LRP12: variants seen among roughly 807,000 people sequenced by gnomAD.
LRP12 encodes LDL receptor related protein 12, also known as low-density lipoprotein receptor-related protein 12.
Under a neutral mutation model 66.0 loss-of-function variants are expected in LRP12, and 14 were observed. That is an observed-to-expected ratio of 0.21 (90% CI 0.14 to 0.33). The LOEUF (loss-of-function observed/expected upper bound fraction) is 0.33. LRP12 is among the 10% of genes least tolerant of loss of function. The probability of loss-of-function intolerance (pLI) is 1.00; values close to 1 mark genes in which losing one functional copy is unlikely to be tolerated. For synonymous variants in LRP12, 357 were observed against 359.1 expected (o/e 0.99, Z 0.07); for missense variants, 889 against 1,053.4 (o/e 0.84, Z 2.16).
intron 1 of LRP12, among the ~76,000 whole-genome samples, chr8:104,565,438 G>A (rs1226861647): frequency 6.6e-6 from 1 of 151,932 alleles, no homozygotes; most frequent in Admixed American, 6.6e-5. Flanking sequence ...AGTTACAAAA[G>A]GATAAAATAA....
intron 1 of LRP12, among the ~76,000 whole-genome samples, chr8:104,548,627 T>TA (rs1163207344): frequency 0.014 from 1,577 of 109,276 alleles, 43 homozygotes; most frequent in Middle Eastern, 0.022. Context: ...AATTATATAA[T>TA]TATTATATAA....
chr8:104,579,210 G>T (rs1333695177), intron 1 of LRP12, among the ~76,000 whole-genome samples: 1 of 152,156 alleles, frequency 6.6e-6, no homozygotes, highest in East Asian at 1.9e-4. Context: ...AGCTTCTTAA[G>T]CTGGTAACTA....
At position 104,558,756 on chromosome 8, in the gene LRP12, G is replaced by GA. The variant is rs373812757; in HGVS notation, c.80-26794dup. Among the ~76,000 whole-genome samples, 1,309 of 137,694 alleles carry GA rather than the reference G, an allele frequency of 9.5e-3. 6 individuals are homozygous for GA. The highest frequency in any genetic ancestry group is 0.013 in the Non-Finnish European group (799 of 62,338). 90.3% of individuals were successfully genotyped at this position (137,694 alleles called of 152,430 possible). A position where few individuals can be genotyped will look rare whatever the true frequency, so the allele number is the denominator to read the frequency against. ...ATCTACAAGGAACTCAGAGCAGTAA[G>GA]AAAAAAAAAAACAAATAATCCTATT... On this transcript the variant is annotated intron_variant, in intron 1 of 6. Coordinates refer to ENST00000276654, the MANE Select transcript of LRP12 (RefSeq NM_013437.5).
At chr8:104,588,483 T>C (rs376997964) in intron 1 of LRP12, among the ~76,000 whole-genome samples, 1 of 152,114 alleles carries the variant, frequency 6.6e-6, no homozygotes, top group African/African-American at 2.4e-5. Flanking sequence ...TGTGTGTGGA[T>C]TGTGCCAGGC....
At chr8:104,561,171 G>A (rs1233585163) in intron 1 of LRP12, among the ~76,000 whole-genome samples, 1 of 152,164 alleles carries the variant, frequency 6.6e-6, no homozygotes, top group Non-Finnish European at 1.5e-5. Flanking sequence ...TTTGAAAACA[G>A]TCATTAGGTA....
At chr8:104,548,261 TATATGATATATATTA>T (rs1209678252) in intron 1 of LRP12, among the ~76,000 whole-genome samples, 1 of 98,988 alleles carries the variant, frequency 1.0e-5, no homozygotes, top group South Asian at 2.6e-4. Flanking sequence ...ATTATATTAA[TATATGATATATATTA>T]TATTAATATA....
chr8:104,575,957 T>C (rs1170689622), intron 1 of LRP12, among the ~76,000 whole-genome samples: 1 of 152,044 alleles, frequency 6.6e-6, no homozygotes, highest in Non-Finnish European at 1.5e-5. Context: ...AAACACACTT[T>C]AAGAATTTCA....
intron 1 of LRP12, among the ~76,000 whole-genome samples, chr8:104,551,173 G>C (rs1176455183): frequency 6.6e-6 from 1 of 152,090 alleles, no homozygotes; most frequent in African/African-American, 2.4e-5. Flanking sequence ...TGTACCCTTT[G>C]CATGGAAAAG....
intron 1 of LRP12, among the ~76,000 whole-genome samples, chr8:104,548,360 A>T (rs1392731874): frequency 0.017 from 907 of 54,678 alleles, 130 homozygotes; most frequent in African/African-American, 0.11. Flanking sequence ...TATAATATAT[A>T]TTATATAAAT....
At chr8:104,517,479 G>A (rs535489665) in intron 2 of LRP12, among the ~76,000 whole-genome samples, 1 of 151,878 alleles carries the variant, frequency 6.6e-6, no homozygotes. Context: ...TACTACAAAA[G>A]GAAGTGATGT....
At position 104,498,080 on chromosome 8, in the gene LRP12, T is replaced by C; in HGVS notation, c.476-4A>G. The C allele has an allele frequency of 6.3e-7, 1 of 1,575,770 alleles. No individual in the cohort carries two copies. Among genetic ancestry groups the C allele is most frequent in the Non-Finnish European group, 8.6e-7 (1 of 1,161,834 alleles). ...CAATTTGGTTCCTCAGATTTCCCTG[T>C]GAAGATGTGAGTAGAAATAGATGGA... On this transcript the variant is annotated splice_polypyrimidine_tract_variant and splice_region_variant and intron_variant, in intron 4 of 6. Transcript: ENST00000276654.
At chr8:104,550,838 A>C (rs1180553543) in intron 1 of LRP12, among the ~76,000 whole-genome samples, 3 of 152,164 alleles carry the variant, frequency 2.0e-5, no homozygotes. Flanking sequence ...TTAGCTTGCA[A>C]ACTGGTTTTC....
chr8:104,503,328 C>CAAA (rs59353283), intron 3 of LRP12, among the ~76,000 whole-genome samples: 39 of 30,090 alleles, frequency 1.3e-3, no homozygotes, highest in South Asian at 2.4e-3. Flanking sequence ...CTGTGTCTCT[C>CAAA]AAAAAAAAAA....
chr8:104,581,655 G>C, intron 1 of LRP12, among the ~76,000 whole-genome samples: 1 of 152,046 alleles, frequency 6.6e-6, no homozygotes, highest in Non-Finnish European at 1.5e-5. Context: ...CTTTAGATAA[G>C]TCACTCTGGC....
chr8:104,500,531 C>T (rs756690765), intron 3 of LRP12, among the ~76,000 whole-genome samples: 9 of 152,028 alleles, frequency 5.9e-5, no homozygotes, highest in African/African-American at 1.4e-4. Flanking sequence ...GATGAAACCC[C>T]GTCTCTACTA....
chr8:104,530,037 A>C (rs1811302115), intron 2 of LRP12, among the ~76,000 whole-genome samples: 1 of 152,042 alleles, frequency 6.6e-6, no homozygotes, highest in Admixed American at 6.6e-5. Context: ...ATTACTTTAT[A>C]AAATTATAAA....
intron 1 of LRP12, among the ~76,000 whole-genome samples, chr8:104,544,744 T>C (rs2140873122): frequency 6.6e-6 from 1 of 152,216 alleles, no homozygotes; most frequent in South Asian, 2.1e-4. Flanking sequence ...AAAAAAAGAT[T>C]CCTTTCAAAA....
chr8:104,544,481 C>A (rs750126213), intron 1 of LRP12, among the ~76,000 whole-genome samples: 1 of 152,104 alleles, frequency 6.6e-6, no homozygotes, highest in Non-Finnish European at 1.5e-5. Flanking sequence ...CTTTTCCTAG[C>A]GAGAGAGAAG....
At position 104,548,868 on chromosome 8, in the gene LRP12, C is replaced by T. The variant is rs1237471179; in HGVS notation, c.80-16905G>A. On this transcript the variant is annotated intron_variant, in intron 1 of 6. Coordinates refer to ENST00000276654, the MANE Select transcript of LRP12 (RefSeq NM_013437.5). Reference sequence around the variant, plus strand: ...CTGAGGCAAGAGAATCGCTTGAATTCAGGAGGCTGTAGAGAGCTGAGACTG... The same window carrying T: ...CTGAGGCAAGAGAATCGCTTGAATTTAGGAGGCTGTAGAGAGCTGAGACTG... Among the ~76,000 whole-genome samples, 13 of 151,666 alleles carry T rather than the reference C, an allele frequency of 8.6e-5. No individual in the cohort carries two copies. The East Asian group carries it at 2.3e-3, about 27-fold the overall frequency.
Sources: gnomAD v4.1 joint callset for allele counts (sites outside exome capture counted in the v4.1 genomes callset) on GRCh38, gnomAD v4.1.1 for gene constraint, MANE v1.5 for transcripts, NCBI Gene and HGNC (gene_info 2026-07-23, HGNC 2026-07-21) for gene names.